The following NAV3 variants were observed in gnomAD, a reference collection of about 807,000 sequenced individuals.
The protein encoded by NAV3 is pore membrane and/or filament interacting like protein 1.
In NAV3, 87 loss-of-function variants were observed where a neutral mutation model predicts 244.7. The ratio of observed to expected loss-of-function variants is 0.36; its 90% CI spans 0.30 to 0.42. The LOEUF (loss-of-function observed/expected upper bound fraction) is 0.42, where lower values mean the gene tolerates loss of function less well. Among genes scored for constraint, NAV3 ranks in the 20% least tolerant of loss-of-function variants. The probability of loss-of-function intolerance (pLI) is 1.00; values close to 1 mark genes in which losing one functional copy is unlikely to be tolerated. For synonymous variants in NAV3, 1,126 were observed against 1,042.2 expected, an observed-to-expected ratio of 1.08 and a Z score of -1.55; for missense variants, 2,663 against 2,893.3, an observed-to-expected ratio of 0.92 and a Z score of 1.83.
At chr12:77,746,111 A>G (rs1278216606) in intron 2 of NAV3, among the ~76,000 whole-genome samples, 1 of 152,124 alleles carries the variant, frequency 6.6e-6, no homozygotes, top group East Asian at 1.9e-4. Context: ...AAAGAAAAAA[A>G]AAATCTCTAG....
At chr12:77,580,728 T>G (rs1869323541) in intron 2 of NAV3, among the ~76,000 whole-genome samples, 1 of 152,224 alleles carries the variant, frequency 6.6e-6, no homozygotes, top group Non-Finnish European at 1.5e-5. Flanking sequence ...AAATTCTCAA[T>G]ACATGAACTG....
intron 1 of NAV3, among the ~76,000 whole-genome samples, chr12:77,863,468 G>A (rs914397275): frequency 3.3e-5 from 5 of 151,532 alleles, no homozygotes; most frequent in Admixed American, 2.6e-4. Context: ...AATTATTTCA[G>A]CTATTATTTC....
intron 1 of NAV3, among the ~76,000 whole-genome samples, chr12:77,834,802 T>C (rs550564404): frequency 2.3e-4 from 35 of 152,282 alleles, no homozygotes; most frequent in African/African-American, 7.9e-4. Flanking sequence ...TTCAAACAAA[T>C]GTAAAGAATG....
At chr12:78,076,326 G>A (rs528838559) in intron 12 of NAV3, among the ~76,000 whole-genome samples, 44 of 152,156 alleles carry the variant, frequency 2.9e-4, no homozygotes, top group South Asian at 6.2e-4. Context: ...CCTTCTCTGT[G>A]AACTCTCCTC....
At chr12:78,058,744 C>A (rs1883882785) in intron 11 of NAV3, among the ~76,000 whole-genome samples, 1 of 152,000 alleles carries the variant, frequency 6.6e-6, no homozygotes, top group African/African-American at 2.4e-5. Flanking sequence ...CTATGGTAGG[C>A]TAGTTACTTG....
chr12:77,990,674 A>C (rs904421144), intron 5 of NAV3, among the ~76,000 whole-genome samples: 2 of 152,224 alleles, frequency 1.3e-5, no homozygotes, highest in African/African-American at 4.8e-5. Flanking sequence ...AGTTTCATTT[A>C]ACATCCTTGT....
At chr12:77,872,255 C>T (rs1881083845) in intron 1 of NAV3, among the ~76,000 whole-genome samples, 1 of 152,034 alleles carries the variant, frequency 6.6e-6, no homozygotes, top group South Asian at 2.1e-4. Flanking sequence ...ACTTATTGGT[C>T]AAGTTTCTTC....
chr12:78,075,071 C>T (rs948959113), intron 12 of NAV3, among the ~76,000 whole-genome samples: 3 of 152,188 alleles, frequency 2.0e-5, no homozygotes, highest in African/African-American at 4.8e-5. Context: ...GTAATCCTGG[C>T]AACCTGGTGT....
At chr12:77,677,768 G>T (rs527860532) in intron 2 of NAV3, among the ~76,000 whole-genome samples, 13 of 152,212 alleles carry the variant, frequency 8.5e-5, no homozygotes, top group Middle Eastern at 6.8e-3. Context: ...AATGTGTTTT[G>T]GAACCAAACT....
At chr12:77,936,735 C>T (rs762722697) in intron 1 of NAV3, among the ~76,000 whole-genome samples, 5 of 152,098 alleles carry the variant, frequency 3.3e-5, no homozygotes, top group Non-Finnish European at 5.9e-5. Context: ...ATTTCACCAT[C>T]CTGTTGTATT....
intron 1 of NAV3, among the ~76,000 whole-genome samples, chr12:77,890,241 G>T (rs1257494203): frequency 6.6e-6 from 1 of 152,042 alleles, no homozygotes; most frequent in Non-Finnish European, 1.5e-5. Context: ...ACAGGTGCCT[G>T]CCTGTCACTA....
chr12:77,877,326 C>T (rs930511769), intron 1 of NAV3, among the ~76,000 whole-genome samples: 1 of 151,940 alleles, frequency 6.6e-6, no homozygotes, highest in East Asian at 1.9e-4. Context: ...TTTCAATGGG[C>T]TTTGCTTACC....
At chr12:77,777,760 G>T (rs117414569) in intron 2 of NAV3, among the ~76,000 whole-genome samples, 1,872 of 151,754 alleles carry the variant, frequency 0.012, 23 homozygotes, top group Non-Finnish European at 0.019. Context: ...GAAAAGACTA[G>T]AAGGTACCTC....
intron 5 of NAV3, among the ~76,000 whole-genome samples, chr12:77,982,348 GATACATCAGAT>G (rs1428869797): frequency 1.6e-5 from 1 of 61,568 alleles, no homozygotes; most frequent in African/African-American, 4.0e-5. Context: ...TGAGCCAAGA[GATACATCAGAT>G]ATGTGGCTAA....
At chr12:77,715,815 T>TA (rs145652337) in intron 2 of NAV3, among the ~76,000 whole-genome samples, 3,800 of 151,844 alleles carry the variant, frequency 0.025, 90 homozygotes, top group African/African-American at 0.06. Flanking sequence ...TTGCTGAGAG[T>TA]AAAAAAAAGT....
At chr12:77,904,356 A>G in intron 1 of NAV3, among the ~76,000 whole-genome samples, 1 of 152,164 alleles carries the variant, frequency 6.6e-6, no homozygotes, top group Admixed American at 6.6e-5. Flanking sequence ...GACATGGATG[A>G]AGCTGGAAAC....
chr12:77,782,683 T>C (rs1209276611), intron 2 of NAV3, among the ~76,000 whole-genome samples: 1 of 152,038 alleles, frequency 6.6e-6, no homozygotes, highest in African/African-American at 2.4e-5. Context: ...AAGTCTTTCA[T>C]AGCTGTATCT....
chr12:77,805,192 T>C (rs1307291454), intron 2 of NAV3, among the ~76,000 whole-genome samples: 1 of 152,236 alleles, frequency 6.6e-6, no homozygotes, highest in Non-Finnish European at 1.5e-5. Flanking sequence ...TGCCAGAACT[T>C]CCAATACTAT....
intron 14 of NAV3, 25 bp downstream of exon 14, chr12:78,118,322 T>C (rs773877526): frequency 6.4e-7 from 1 of 1,572,942 alleles, no homozygotes; most frequent in Non-Finnish European, 8.6e-7. Context: ...TGCCAGCTGT[T>C]ATGCAAAAGT....
Sources: gnomAD v4.1 joint callset for allele counts (sites outside exome capture counted in the v4.1 genomes callset) on GRCh38, gnomAD v4.1.1 for gene constraint, MANE v1.5 for transcripts, NCBI Gene and HGNC (gene_info 2026-07-23, HGNC 2026-07-21) for gene names.